The following AP1G1 variants were observed in gnomAD, a reference collection of about 807,000 sequenced individuals.
The protein encoded by AP1G1 is AP-1 complex subunit gamma-1.
In AP1G1, 7 loss-of-function variants were observed where a neutral mutation model predicts 108.3. The ratio of observed to expected loss-of-function variants is 0.06; its 90% CI spans 0.04 to 0.12. The LOEUF (loss-of-function observed/expected upper bound fraction) is 0.12, where lower values mean the gene tolerates loss of function less well. Ranked by LOEUF, AP1G1 falls within the 10% of genes least tolerant of loss-of-function variation. AP1G1 has a pLI of 1.00. For synonymous variants in AP1G1, 379 were observed against 353.5 expected (o/e 1.07, Z -0.81); for missense variants, 756 against 1,010.7 (o/e 0.75, Z 3.42).
chr16:71,734,931 C>G (rs1185667302), intron 21 of AP1G1, among the ~76,000 whole-genome samples: 1 of 152,204 alleles, frequency 6.6e-6, no homozygotes, highest in African/African-American at 2.4e-5. Context: ...ATCATGACAA[C>G]TAGTAATAAA....
At chr16:71,757,722 C>G (rs928346375) in intron 11 of AP1G1, among the ~76,000 whole-genome samples, 3 of 152,142 alleles carry the variant, frequency 2.0e-5, no homozygotes, top group Non-Finnish European at 2.9e-5. Context: ...GCTCCAGAGT[C>G]TAAGCTCTTA....
intron 22 of AP1G1, among the ~76,000 whole-genome samples, chr16:71,733,871 C>T (rs2045500216): frequency 6.6e-6 from 1 of 152,174 alleles, no homozygotes; most frequent in African/African-American, 2.4e-5. Context: ...TCACAGGTAA[C>T]AGCAGTAGTT....
chr16:71,779,239 T>TG (rs2031909306), intron 2 of AP1G1, among the ~76,000 whole-genome samples: 3 of 152,100 alleles, frequency 2.0e-5, no homozygotes, highest in Admixed American at 1.3e-4. Flanking sequence ...TTGAAAACTA[T>TG]GGGTCACCGC....
intron 10 of AP1G1, among the ~76,000 whole-genome samples, chr16:71,759,211 C>G (rs1329681358): frequency 6.6e-6 from 1 of 152,198 alleles, no homozygotes; most frequent in Non-Finnish European, 1.5e-5. Flanking sequence ...GTAATCCCAG[C>G]ACTGTGGGAG....
At chr16:71,766,925 A>T (rs576236574) in intron 6 of AP1G1, among the ~76,000 whole-genome samples, 3 of 152,358 alleles carry the variant, frequency 2.0e-5, no homozygotes, top group African/African-American at 7.2e-5. Flanking sequence ...AAATTCATTA[A>T]ATCTGTCAAC....
intron 1 of AP1G1, among the ~76,000 whole-genome samples, chr16:71,803,663 G>A (rs956201441): frequency 4.6e-5 from 7 of 151,990 alleles, no homozygotes; most frequent in Admixed American, 2.0e-4. Flanking sequence ...CCTCATTCAT[G>A]CCTGTAATCC....
chr16:71,751,484 A>G (rs1367974875), intron 13 of AP1G1: 2 of 151,914 alleles, frequency 1.3e-5, no homozygotes, highest in Non-Finnish European at 2.9e-5. Flanking sequence ...AAAAAAAAAA[A>G]AACAGCCAGG....
intron 11 of AP1G1, among the ~76,000 whole-genome samples, chr16:71,757,898 T>A (rs1252838366): frequency 6.6e-6 from 1 of 152,226 alleles, no homozygotes; most frequent in Non-Finnish European, 1.5e-5. Flanking sequence ...TTGATCCCCA[T>A]GGGACTGAAT....
rs1213680207 is a variant in AP1G1 at position 71,736,098 on chromosome 16, C to CA, written c.2269-1392dup. ...TGGGTGACAGAGTGAGACTCCATCT[C>CA]AAAAAAAAAAAAAAAAAAAATATAT... On this transcript the variant is annotated intron_variant, in intron 21 of 22. Transcript: ENST00000299980. Among the ~76,000 whole-genome samples the CA allele has an allele frequency of 1.3e-3, 32 of 25,420 alleles. 2 individuals carry two copies. The highest frequency in any genetic ancestry group is 3.2e-3 in the African/African-American group (17 of 5,326). The allele number at this position is 25,420 out of a possible 152,430, so 16.7% of individuals were successfully genotyped here.
At chr16:71,760,335 G>T (rs2031020531) in intron 10 of AP1G1, among the ~76,000 whole-genome samples, 1 of 151,368 alleles carries the variant, frequency 6.6e-6, no homozygotes, top group Admixed American at 6.6e-5. Flanking sequence ...CTAAGGTTAG[G>T]AGTTAAAGAC....
intron 7 of AP1G1, 79 bp downstream of exon 7, chr16:71,765,410 A>G: frequency 2.0e-6 from 2 of 1,017,550 alleles, no homozygotes; most frequent in Non-Finnish European, 2.9e-6. Flanking sequence ...ACTCAACACA[A>G]ACTTAAGAGG....
chr16:71,800,008 C>T lies in AP1G1; in HGVS notation c.-4+8755G>A, dbSNP rs1315170834. 3.3e-5 allele frequency among the ~76,000 whole-genome samples: 5 copies of T among 151,326 alleles called. 1 individual carries two copies. The highest frequency in any genetic ancestry group is 3.3e-4 in the Admixed American group (5 of 15,194). ...GGCCGATGCAGGCAGATTGCTCAAG[C>T]CCAGGAGTTCGAGATCAGCCTGAGC... On this transcript the variant is annotated intron_variant, in intron 1 of 22. Transcript: ENST00000299980.
chr16:71,751,697 T>C (rs1398219513), intron 13 of AP1G1, among the ~76,000 whole-genome samples: 1 of 152,168 alleles, frequency 6.6e-6, no homozygotes, highest in Admixed American at 6.5e-5. Flanking sequence ...TAAGACTACT[T>C]CATTCAACAG....
At chr16:71,786,436 G>A (rs2032204592) in intron 2 of AP1G1, among the ~76,000 whole-genome samples, 1 of 151,980 alleles carries the variant, frequency 6.6e-6, no homozygotes, top group East Asian at 1.9e-4. Flanking sequence ...CACCAACCAG[G>A]GAACTGTGGC....
chr16:71,797,586 G>A (rs576912812), intron 1 of AP1G1, among the ~76,000 whole-genome samples: 24 of 152,128 alleles, frequency 1.6e-4, no homozygotes, highest in Non-Finnish European at 2.9e-4. Context: ...AGATCATGAG[G>A]TCAGGAGTTC....
chr16:71,793,671 T>C (rs573638165), intron 1 of AP1G1, among the ~76,000 whole-genome samples: 1 of 152,202 alleles, frequency 6.6e-6, no homozygotes, highest in South Asian at 2.1e-4. Context: ...TACCACAATA[T>C]AGTTTTTGTT....
intron 1 of AP1G1, chr16:71,806,689 A>T: frequency 7.8e-6 from 10 of 1,287,380 alleles, no homozygotes; most frequent in Non-Finnish European, 1.0e-5. Context: ...TACTTACTAA[A>T]TGAGTGAGCA....
intron 1 of AP1G1, 63 bp from the exon 2 acceptor site, chr16:71,789,545 A>G (rs2032323337): frequency 1.4e-6 from 2 of 1,479,178 alleles, no homozygotes; most frequent in African/African-American, 2.8e-5. Flanking sequence ...CTATTCACAC[A>G]ACTTCCCATT....
chr16:71,793,312 T>C (rs1011372276), intron 1 of AP1G1, among the ~76,000 whole-genome samples: 8 of 152,070 alleles, frequency 5.3e-5, no homozygotes, highest in Non-Finnish European at 8.8e-5. Context: ...GCAGCCAATA[T>C]AGAGAGTGAC....
Sources: gnomAD v4.1 joint callset for allele counts (sites outside exome capture counted in the v4.1 genomes callset) on GRCh38, gnomAD v4.1.1 for gene constraint, MANE v1.5 for transcripts, NCBI Gene and HGNC (gene_info 2026-07-23, HGNC 2026-07-21) for gene names.